PLS1: variants seen among roughly 807,000 people sequenced by gnomAD.
The protein encoded by PLS1 is plastin 1, also known as plastin-1.
PLS1 carries 32 observed loss-of-function variants against 73.7 expected under a neutral mutation model. That is an observed-to-expected ratio of 0.43 (90% CI 0.33 to 0.58). The LOEUF (loss-of-function observed/expected upper bound fraction) is 0.58. PLS1 is among the 20% of genes least tolerant of loss of function. The probability of loss-of-function intolerance (pLI) is 0.04; values close to 1 mark genes in which losing one functional copy is unlikely to be tolerated. For missense variants in PLS1, 633 were observed against 740.5 expected (o/e 0.85, Z 1.68); for synonymous variants, 217 against 261.3 (o/e 0.83, Z 1.63).
chr3:142,616,115 G>A lies in PLS1; in HGVS notation c.-37+19606G>A, dbSNP rs550470136. Reference sequence around the variant, plus strand: ...CATTTCCCATTTTATGGAGGAGAGTGAGAAAGAAGTGCAAAGAGGCCAAAG... The same window carrying A: ...CATTTCCCATTTTATGGAGGAGAGTAAGAAAGAAGTGCAAAGAGGCCAAAG... On this transcript the variant is annotated intron_variant, in intron 1 of 15. Coordinates refer to ENST00000457734, the MANE Select transcript of PLS1 (RefSeq NM_001145319.2). 4.6e-5 allele frequency among the ~76,000 whole-genome samples: 7 copies of A among 152,304 alleles called. No individual in the cohort carries two copies. The South Asian group carries it at 8.3e-4, about 18-fold the overall frequency.
chr3:142,601,353 T>C (rs1303263104), intron 1 of PLS1, among the ~76,000 whole-genome samples: 2 of 151,996 alleles, frequency 1.3e-5, no homozygotes, highest in Non-Finnish European at 2.9e-5. Context: ...AATCCTAGAA[T>C]TTACCATGGC....
intron 10 of PLS1, among the ~76,000 whole-genome samples, chr3:142,690,016 C>T (rs566628215): frequency 6.6e-6 from 1 of 152,186 alleles, no homozygotes; most frequent in East Asian, 1.9e-4. Flanking sequence ...TTTATTTCTC[C>T]ATAAGAGGTT....
chr3:142,666,252 T>G (rs1027475333), intron 2 of PLS1, among the ~76,000 whole-genome samples: 4 of 152,196 alleles, frequency 2.6e-5, no homozygotes, highest in Non-Finnish European at 5.9e-5. Context: ...CACATTGTTC[T>G]ACATTCATCA....
chr3:142,630,336 G>T (rs769122362), intron 1 of PLS1, among the ~76,000 whole-genome samples: 10 of 149,906 alleles, frequency 6.7e-5, no homozygotes, highest in Non-Finnish European at 1.2e-4. Context: ...CGGGAGGATT[G>T]CTTGAGCCCA....
chr3:142,668,280 A>G (rs1213107547), intron 2 of PLS1, among the ~76,000 whole-genome samples: 4 of 152,186 alleles, frequency 2.6e-5, no homozygotes, highest in African/African-American at 9.7e-5. Flanking sequence ...ATGCCATGAC[A>G]TGAAAACACC....
chr3:142,656,050 C>T (rs1323170929), intron 1 of PLS1, among the ~76,000 whole-genome samples: 1 of 152,116 alleles, frequency 6.6e-6, no homozygotes, highest in African/African-American at 2.4e-5. Context: ...CAACCTCCAC[C>T]TCCCTGGTTC....
Position 142,704,497 on chromosome 3 carries a change from G to A in PLS1, c.1540G>A (p.Gly514Ser), listed in dbSNP as rs1245687344. 6.3e-7 allele frequency: 1 copy of A among 1,599,640 alleles called. No homozygotes were observed. Among genetic ancestry groups the A allele is most frequent in the African/African-American group, 1.3e-5 (1 of 74,504 alleles). ...TLNVLSDLGE[G>S]EKVNDEIIIK... The stretch of plus-strand genomic sequence containing the variant: ...GAATGTGTTATCGGATCTTGGAGAG[G>A]GTGAAAAAGTAAATGATGAAATTAT... The change falls in exon 14 of 16, where the codon GGT (glycine) becomes AGT (serine). Residue 514 changes from glycine (G) to serine (S), a missense_variant. Coordinates refer to ENST00000457734, the MANE Select transcript of PLS1 (RefSeq NM_001145319.2).
intron 1 of PLS1, among the ~76,000 whole-genome samples, chr3:142,615,213 C>A (rs909392405): frequency 1.3e-5 from 2 of 152,166 alleles, no homozygotes; most frequent in African/African-American, 4.8e-5. Flanking sequence ...ATGATTGACC[C>A]AGAGAAGTGA....
rs867554205 is a variant in PLS1, at chr3:142,713,563, C to G, written c.*1556C>G. ...TATGTTTCCCTCTGATTTTTTTTCA[C>G]CATTGTATTTACTAAGTTATTGGAT... On this transcript the variant is annotated 3_prime_UTR_variant, in exon 16 of 16. Transcript: ENST00000457734. The G allele has an allele frequency of 6.6e-6, 1 of 151,938 alleles. No individual in the cohort carries two copies. Among genetic ancestry groups the G allele is most frequent in the Non-Finnish European group, 1.5e-5 (1 of 67,874 alleles). 9.4% of individuals were successfully genotyped at this position (151,938 alleles called of 1,614,324 possible). A position where few individuals can be genotyped will look rare whatever the true frequency, so the allele number is the denominator to read the frequency against.
chr3:142,690,159 G>A (rs949168684), intron 10 of PLS1, among the ~76,000 whole-genome samples: 14 of 152,108 alleles, frequency 9.2e-5, no homozygotes, highest in South Asian at 2.1e-4. Context: ...GAAAGGTCCA[G>A]TTTGACTCTA....
At chr3:142,649,019 C>G (rs1359774644) in intron 1 of PLS1, among the ~76,000 whole-genome samples, 1 of 152,114 alleles carries the variant, frequency 6.6e-6, no homozygotes, top group Non-Finnish European at 1.5e-5. Context: ...GCTTTTTTCT[C>G]TTTACATGCA....
At chr3:142,597,914 A>G (rs1187082177) in intron 1 of PLS1, among the ~76,000 whole-genome samples, 1 of 152,178 alleles carries the variant, frequency 6.6e-6, no homozygotes, top group Non-Finnish European at 1.5e-5. Context: ...TTCCTTTCAA[A>G]AAGTGCCCTT....
intron 1 of PLS1, among the ~76,000 whole-genome samples, chr3:142,649,880 G>C (rs2037044174): frequency 6.6e-6 from 1 of 152,124 alleles, no homozygotes; most frequent in Non-Finnish European, 1.5e-5. Context: ...CTATTATCTA[G>C]ATATAAACTT....
At chr3:142,600,636 G>C (rs2108530224) in intron 1 of PLS1, among the ~76,000 whole-genome samples, 1 of 152,034 alleles carries the variant, frequency 6.6e-6, no homozygotes, top group Non-Finnish European at 1.5e-5. Context: ...GCAAATCATA[G>C]CCATTTTGCA....
intron 1 of PLS1, among the ~76,000 whole-genome samples, chr3:142,604,339 C>T (rs1052365598): frequency 6.6e-6 from 1 of 152,176 alleles, no homozygotes; most frequent in African/African-American, 2.4e-5. Flanking sequence ...CTCAAAGACT[C>T]CTGCTGTCTC....
Position 142,670,972 on chromosome 3 carries a change from TTTAC to T in PLS1, c.235-17_235-14del. On this transcript the variant is annotated splice_polypyrimidine_tract_variant and intron_variant, in intron 3 of 15. Transcript: ENST00000457734. The stretch of plus-strand genomic sequence containing the variant: ...TTTTATTGATTATCTGATTCTCAAT[TTTAC>T]TTATGTTCCATTCCAGCTAATGCAA... 6.5e-7 allele frequency: 1 copy of T among 1,533,176 alleles called. No homozygotes were observed. Among genetic ancestry groups the T allele is most frequent in the Non-Finnish European group, 9.0e-7 (1 of 1,117,026 alleles). The allele number at this position is 1,533,176 out of a possible 1,614,324, so 95.0% of individuals were successfully genotyped here.
chr3:142,601,691 T>G (rs753306077), intron 1 of PLS1, among the ~76,000 whole-genome samples: 1 of 152,016 alleles, frequency 6.6e-6, no homozygotes, highest in Non-Finnish European at 1.5e-5. Flanking sequence ...TTAAAAAAAA[T>G]TTTTTTATAG....
chr3:142,601,947 G>A (rs1433343717), intron 1 of PLS1, among the ~76,000 whole-genome samples: 3 of 151,992 alleles, frequency 2.0e-5, no homozygotes, highest in Non-Finnish European at 4.4e-5. Flanking sequence ...TACACTGAGC[G>A]CTCAAATAAC....
At chr3:142,607,279 C>CATATAT (rs56864786) in intron 1 of PLS1, among the ~76,000 whole-genome samples, 12 of 151,508 alleles carry the variant, frequency 7.9e-5, no homozygotes, top group East Asian at 3.9e-4. Flanking sequence ...CTATTATTAA[C>CATATAT]ATATATATAT....
Sources: gnomAD v4.1 joint callset for allele counts (sites outside exome capture counted in the v4.1 genomes callset) on GRCh38, gnomAD v4.1.1 for gene constraint, MANE v1.5 for transcripts, NCBI Gene and HGNC (gene_info 2026-07-23, HGNC 2026-07-21) for gene names.